The following GRIK1 variants were observed in gnomAD, a reference collection of about 807,000 sequenced individuals.
The protein encoded by GRIK1 is glutamate receptor ionotropic, kainate 1.
Under a neutral mutation model 105.7 loss-of-function variants are expected in GRIK1, and 69 were observed. That is an observed-to-expected ratio of 0.65 (90% confidence interval 0.54 to 0.80). The LOEUF (loss-of-function observed/expected upper bound fraction) is 0.80, where lower values mean the gene tolerates loss of function less well. GRIK1 is among the 30% of genes least tolerant of loss of function. The pLI, the probability that GRIK1 is intolerant of heterozygous loss-of-function variation, is 0.00. For synonymous variants in GRIK1, 438 were observed against 431.3 expected (o/e 1.02, Z -0.19); for missense variants, 1,109 against 1,167.3 (o/e 0.95, Z 0.73).
At chr21:29,773,564 A>G (rs2065866359) in intron 1 of GRIK1, among the ~76,000 whole-genome samples, 1 of 152,120 alleles carries the variant, frequency 6.6e-6, no homozygotes, top group African/African-American at 2.4e-5. Flanking sequence ...AGCACAGCCT[A>G]CTTCATCAAA....
At chr21:29,917,125 T>G (rs2071025810) in intron 1 of GRIK1, among the ~76,000 whole-genome samples, 1 of 152,036 alleles carries the variant, frequency 6.6e-6, no homozygotes, top group Admixed American at 6.6e-5. Flanking sequence ...TGCTTGCGCT[T>G]GCACACCTAA....
intron 7 of GRIK1, among the ~76,000 whole-genome samples, chr21:29,633,360 G>A (rs765490475): frequency 4.9e-4 from 75 of 152,110 alleles, no homozygotes; most frequent in African/African-American, 8.4e-4. Flanking sequence ...TTAGCCAGGC[G>A]TGGTGGCGCA....
intron 1 of GRIK1, among the ~76,000 whole-genome samples, chr21:29,842,840 C>T (rs2068017427): frequency 6.6e-6 from 1 of 152,170 alleles, no homozygotes; most frequent in East Asian, 1.9e-4. Context: ...CTGTGAAGAA[C>T]ATTTCCAGCA....
At chr21:29,702,496 G>A (rs1443652458) in intron 1 of GRIK1, among the ~76,000 whole-genome samples, 1 of 151,764 alleles carries the variant, frequency 6.6e-6, no homozygotes, top group Non-Finnish European at 1.5e-5. Context: ...TGGGTCACTT[G>A]AGGTCAGGAG....
chr21:29,848,454 T>C (rs2068196096), intron 1 of GRIK1, among the ~76,000 whole-genome samples: 1 of 152,158 alleles, frequency 6.6e-6, no homozygotes. Flanking sequence ...CACTCACACC[T>C]TGATGCTTAT....
At chr21:29,665,418 AT>A (rs1401952214) in intron 4 of GRIK1, among the ~76,000 whole-genome samples, 2 of 152,234 alleles carry the variant, frequency 1.3e-5, no homozygotes, top group Non-Finnish European at 2.9e-5. Context: ...AAGTAATTAT[AT>A]AACATACTAC....
chr21:29,724,682 T>C lies in GRIK1; in HGVS notation c.119-30619A>G, dbSNP rs145848594. ...TTTAAAGATACTTAGCTCACAGTGA[T>C]GAAATAAATACTTTCCCCAGTGGTG... On this transcript the variant is annotated intron_variant, in intron 1 of 17. Transcript: ENST00000327783. Among the ~76,000 whole-genome samples the C allele has an allele frequency of 5.9e-3, 895 of 152,266 alleles. 16 individuals are homozygous for C. Among genetic ancestry groups the C allele is most frequent in the African/African-American group, 0.02 (843 of 41,542 alleles).
intron 7 of GRIK1, among the ~76,000 whole-genome samples, chr21:29,631,824 G>A (rs915988528): frequency 2.0e-5 from 3 of 152,098 alleles, no homozygotes; most frequent in African/African-American, 7.2e-5. Flanking sequence ...CTTTCAATGT[G>A]GCTACTAAAA....
In GRIK1 at chr21:29,659,744, T is replaced by A. The variant is rs374238393; in HGVS notation, c.727-4881A>T. Reference sequence around the variant, plus strand: ...GGGAGGCCGAGTTGGACGGATCACCTGAGGTCGGGAGTTCAAGATCAGCCT... The same window carrying A: ...GGGAGGCCGAGTTGGACGGATCACCAGAGGTCGGGAGTTCAAGATCAGCCT... On this transcript the variant is annotated intron_variant, in intron 4 of 17. Coordinates refer to ENST00000327783, the MANE Select transcript of GRIK1 (RefSeq NM_001330994.2). Among the ~76,000 whole-genome samples, 26 of 152,314 alleles carry A rather than the reference T, an allele frequency of 1.7e-4. No homozygotes were observed. The East Asian group carries it at 2.7e-3, about 16-fold the overall frequency.
At chr21:29,621,606 T>C (rs1206402028) in intron 7 of GRIK1, among the ~76,000 whole-genome samples, 2 of 152,212 alleles carry the variant, frequency 1.3e-5, no homozygotes, top group African/African-American at 4.8e-5. Flanking sequence ...CAGTATTATC[T>C]AGATTTTAAA....
At chr21:29,594,043 C>CAGA (rs1180805348) in intron 9 of GRIK1, among the ~76,000 whole-genome samples, 8 of 152,320 alleles carry the variant, frequency 5.3e-5, no homozygotes, top group African/African-American at 1.9e-4. Flanking sequence ...GAGGGACCTA[C>CAGA]AGAAGGTCCT....
At chr21:29,739,624 CA>C (rs2064877719) in intron 1 of GRIK1, among the ~76,000 whole-genome samples, 1 of 152,166 alleles carries the variant, frequency 6.6e-6, no homozygotes, top group South Asian at 2.1e-4. Context: ...CAGAGGTCTT[CA>C]GACATTTTTG....
chr21:29,644,424 A>C (rs920813631), intron 6 of GRIK1, among the ~76,000 whole-genome samples: 1 of 152,224 alleles, frequency 6.6e-6, no homozygotes, highest in African/African-American at 2.4e-5. Flanking sequence ...GACGAAGTTA[A>C]TACTACTCAA....
At chr21:29,583,657 G>A (rs527795712) in intron 12 of GRIK1, among the ~76,000 whole-genome samples, 1 of 152,308 alleles carries the variant, frequency 6.6e-6, no homozygotes, top group Non-Finnish European at 1.5e-5. Flanking sequence ...TGTCTAAACA[G>A]CAATGTGATT....
chr21:29,666,780 G>C lies in GRIK1; in HGVS notation c.726+6203C>G, dbSNP rs559482935. Among the ~76,000 whole-genome samples, 2 of 152,310 alleles carry C rather than the reference G, an allele frequency of 1.3e-5. 1 individual carries two copies. The highest frequency in any genetic ancestry group is 4.8e-5 in the African/African-American group (2 of 41,578). On this transcript the variant is annotated intron_variant, in intron 4 of 17. Transcript: ENST00000327783. ...AACACCTTCGTTCAAGAAGTGCAAG[G>C]CTTAACTAAAATACGTTTCAGGTTG... is the stretch of plus-strand genomic sequence containing the variant.
At chr21:29,594,423 T>C (rs1014200236) in intron 9 of GRIK1, among the ~76,000 whole-genome samples, 1 of 152,144 alleles carries the variant, frequency 6.6e-6, no homozygotes, top group African/African-American at 2.4e-5. Flanking sequence ...GAGGAGTGCC[T>C]CCAGGGAGCG....
At chr21:29,857,750 T>C (rs1485475711) in intron 1 of GRIK1, among the ~76,000 whole-genome samples, 1 of 152,244 alleles carries the variant, frequency 6.6e-6, no homozygotes, top group Non-Finnish European at 1.5e-5. Context: ...TCTGATTATA[T>C]ATTTACATTG....
chr21:29,830,745 C>T (rs2067609110), intron 1 of GRIK1, among the ~76,000 whole-genome samples: 1 of 152,062 alleles, frequency 6.6e-6, no homozygotes, highest in African/African-American at 2.4e-5. Context: ...GAAATAATTT[C>T]AGTTCATAAA....
At chr21:29,717,548 GC>G (rs767905429) in intron 1 of GRIK1, among the ~76,000 whole-genome samples, 3 of 152,260 alleles carry the variant, frequency 2.0e-5, no homozygotes, top group Non-Finnish European at 2.9e-5. Flanking sequence ...TTTAATGACT[GC>G]CTTATTGGAG....
Sources: gnomAD v4.1 joint callset for allele counts (sites outside exome capture counted in the v4.1 genomes callset) on GRCh38, gnomAD v4.1.1 for gene constraint, MANE v1.5 for transcripts, NCBI Gene and HGNC (gene_info 2026-07-23, HGNC 2026-07-21) for gene names.